TMC1: variants seen among roughly 807,000 people sequenced by gnomAD.
TMC1 encodes the protein transmembrane channel-like protein 1.
TMC1 carries 84 observed loss-of-function variants against 105.8 expected under a neutral mutation model. That is an observed-to-expected ratio of 0.79 (90% CI 0.67 to 0.95). TMC1 has a LOEUF of 0.95. TMC1 is among the 40% of genes least tolerant of loss of function. TMC1 has a pLI of 0.00. For synonymous variants in TMC1, 315 were observed against 311.5 expected (o/e 1.01, Z -0.12); for missense variants, 817 against 914.1 (o/e 0.89, Z 1.37).
At chr9:72,636,468 G>A (rs777937115) in intron 4 of TMC1, among the ~76,000 whole-genome samples, 1 of 151,954 alleles carries the variant, frequency 6.6e-6, no homozygotes, top group Non-Finnish European at 1.5e-5. Flanking sequence ...AGGCTGAGGC[G>A]GGAGGATCAC....
At chr9:72,591,139 C>T (rs889145849) in intron 2 of TMC1, among the ~76,000 whole-genome samples, 15 of 152,008 alleles carry the variant, frequency 9.9e-5, no homozygotes, top group African/African-American at 3.6e-4. Context: ...AACACAGGCC[C>T]CTTGCTTGTT....
intron 12 of TMC1, among the ~76,000 whole-genome samples, chr9:72,760,917 A>C (rs771044978): frequency 1.7e-4 from 26 of 152,176 alleles, no homozygotes; most frequent in Non-Finnish European, 3.7e-4. Flanking sequence ...ACTTAGATGT[A>C]TATATCACAA....
At chr9:72,546,159 G>A (rs1034727984) in intron 1 of TMC1, among the ~76,000 whole-genome samples, 10 of 151,980 alleles carry the variant, frequency 6.6e-5, no homozygotes, top group African/African-American at 2.4e-4. Context: ...CCGGCGTGGT[G>A]GTGCATGTCT....
intron 7 of TMC1, among the ~76,000 whole-genome samples, chr9:72,695,786 T>A (rs1021039003): frequency 1.3e-5 from 2 of 152,206 alleles, no homozygotes; most frequent in African/African-American, 4.8e-5. Flanking sequence ...ATCTACTTCA[T>A]GTCTAAGTTT....
At chr9:72,561,797 G>A (rs17057894) in intron 1 of TMC1, among the ~76,000 whole-genome samples, 2,427 of 152,220 alleles carry the variant, frequency 0.016, 22 homozygotes, top group South Asian at 0.043. Flanking sequence ...TTAGGCACAC[G>A]TTTGAATACT....
chr9:72,771,710 G>A (rs776897027), intron 12 of TMC1, among the ~76,000 whole-genome samples: 1 of 152,188 alleles, frequency 6.6e-6, no homozygotes, highest in African/African-American at 2.4e-5. Context: ...GAGAAAAGGT[G>A]CATATTATAA....
chr9:72,627,670 AG>A (rs1490269777), intron 3 of TMC1, among the ~76,000 whole-genome samples: 2 of 150,534 alleles, frequency 1.3e-5, no homozygotes, highest in African/African-American at 4.9e-5. Context: ...CTTCCAAATG[AG>A]GTTGTACACA....
chr9:72,656,786 T>C (rs1004776733), intron 5 of TMC1, among the ~76,000 whole-genome samples: 5 of 152,214 alleles, frequency 3.3e-5, no homozygotes, highest in African/African-American at 1.2e-4. Flanking sequence ...TTTCTTTTTT[T>C]TCCCCCCTCC....
intron 1 of TMC1, among the ~76,000 whole-genome samples, chr9:72,550,574 C>T (rs1823844720): frequency 2.1e-5 from 3 of 144,566 alleles, no homozygotes; most frequent in Middle Eastern, 3.6e-3. Context: ...AGGAGAATGG[C>T]GTGAACCCAG....
At chr9:72,752,300 A>G (rs1827592537) in intron 11 of TMC1, among the ~76,000 whole-genome samples, 1 of 152,180 alleles carries the variant, frequency 6.6e-6, no homozygotes, top group African/African-American at 2.4e-5. Context: ...AGACTTTGAC[A>G]CCTTGTGAGT....
chr9:72,528,230 G>A (rs960231183), intron 1 of TMC1, among the ~76,000 whole-genome samples: 1 of 152,124 alleles, frequency 6.6e-6, no homozygotes, highest in African/African-American at 2.4e-5. Flanking sequence ...TATGAGGAAG[G>A]GTCCCTCACC....
intron 3 of TMC1, among the ~76,000 whole-genome samples, chr9:72,623,793 G>A (rs1367081469): frequency 6.6e-6 from 1 of 152,078 alleles, no homozygotes; most frequent in African/African-American, 2.4e-5. Flanking sequence ...CATCATTTTA[G>A]GTGTTTCTAG....
intron 23 of TMC1, among the ~76,000 whole-genome samples, chr9:72,832,100 C>T (rs1415836285): frequency 6.6e-6 from 1 of 151,924 alleles, no homozygotes; most frequent in Non-Finnish European, 1.5e-5. Flanking sequence ...GGACAGCGCA[C>T]ACCACCATGC....
chr9:72,758,636 C>T (rs895273863), intron 12 of TMC1, among the ~76,000 whole-genome samples: 1 of 152,022 alleles, frequency 6.6e-6, no homozygotes, highest in African/African-American at 2.4e-5. Context: ...TTAAGAACTC[C>T]CATAGAATGG....
At chr9:72,829,745 T>C (rs556911770) in intron 21 of TMC1, among the ~76,000 whole-genome samples, 1 of 152,324 alleles carries the variant, frequency 6.6e-6, no homozygotes, top group South Asian at 2.1e-4. Context: ...AAGAGTAATA[T>C]AAGTTACCTT....
At chr9:72,601,208 A>G (rs945745650) in intron 2 of TMC1, among the ~76,000 whole-genome samples, 2 of 148,944 alleles carry the variant, frequency 1.3e-5, no homozygotes, top group Non-Finnish European at 3.0e-5. Flanking sequence ...ACACACACAC[A>G]CACACACACA....
chr9:72,655,041 G>A (rs1825863872), intron 5 of TMC1, among the ~76,000 whole-genome samples: 1 of 152,122 alleles, frequency 6.6e-6, no homozygotes, highest in Non-Finnish European at 1.5e-5. Flanking sequence ...ATGTGTCAAG[G>A]GTGGGACCAG....
At chr9:72,625,956 T>G (rs1204226697) in intron 3 of TMC1, among the ~76,000 whole-genome samples, 1 of 152,206 alleles carries the variant, frequency 6.6e-6, no homozygotes, top group East Asian at 1.9e-4. Flanking sequence ...AGATCAGTTC[T>G]GGATATGAGA....
At chr9:72,795,935 A>G (rs1485533764) in intron 17 of TMC1, among the ~76,000 whole-genome samples, 2 of 152,044 alleles carry the variant, frequency 1.3e-5, no homozygotes, top group African/African-American at 4.8e-5. Flanking sequence ...CCCACACGCT[A>G]AAAATAAAGG....
Sources: gnomAD v4.1 joint callset for allele counts (sites outside exome capture counted in the v4.1 genomes callset) on GRCh38, gnomAD v4.1.1 for gene constraint, MANE v1.5 for transcripts, NCBI Gene and HGNC (gene_info 2026-07-23, HGNC 2026-07-21) for gene names.